KDM5A: variants seen among roughly 807,000 people sequenced by gnomAD.
KDM5A encodes the protein lysine demethylase 5A.
KDM5A carries 42 observed loss-of-function variants against 193.5 expected under a neutral mutation model. That is an observed-to-expected ratio of 0.22 (90% CI 0.17 to 0.28). The LOEUF (loss-of-function observed/expected upper bound fraction) is 0.28, where lower values mean the gene tolerates loss of function less well. Ranked by LOEUF, KDM5A falls within the 10% of genes least tolerant of loss-of-function variation. KDM5A has a pLI of 1.00. For synonymous variants in KDM5A, 796 were observed against 718.1 expected (o/e 1.11, Z -1.73); for missense variants, 1,692 against 2,055.1 (o/e 0.82, Z 3.42).
At chr12:300,083 T>C (rs897517351) in intron 24 of KDM5A, among the ~76,000 whole-genome samples, 4 of 151,908 alleles carry the variant, frequency 2.6e-5, no homozygotes, top group South Asian at 2.1e-4. Context: ...CACACAATAA[T>C]AGTGGGAGAC....
intron 25 of KDM5A, 42 bp from the exon 26 acceptor site, chr12:295,835 A>C (rs757024186): frequency 6.4e-7 from 1 of 1,565,996 alleles, no homozygotes; most frequent in African/African-American, 1.4e-5. Context: ...AAAAAATTAA[A>C]ACTATGGAAA....
At chr12:384,190 T>A in intron 2 of KDM5A, 37 bp from the exon 3 acceptor site, 1 of 1,479,222 alleles carries the variant, frequency 6.8e-7, no homozygotes, top group Non-Finnish European at 9.4e-7. Context: ...TAAGTTATGA[T>A]TGAAATGAAT....
At chr12:347,742 C>T (rs576251307) in intron 10 of KDM5A, among the ~76,000 whole-genome samples, 240 of 152,122 alleles carry the variant, frequency 1.6e-3, no homozygotes, top group Admixed American at 3.4e-3. Context: ...CCCTTCCTTA[C>T]ACCTTATACA....
chr12:371,775 T>C (rs1944430779), intron 3 of KDM5A, among the ~76,000 whole-genome samples: 1 of 152,230 alleles, frequency 6.6e-6, no homozygotes, highest in South Asian at 2.1e-4. Context: ...CAATTAATTT[T>C]TGTATAAGTT....
chr12:382,049 A>G (rs140530339), intron 3 of KDM5A, among the ~76,000 whole-genome samples: 2,643 of 152,098 alleles, frequency 0.017, 73 homozygotes, highest in African/African-American at 0.06. Context: ...AGGTTCAAGC[A>G]ATCCTTCCAC....
At position 282,998 on chromosome 12, in the gene KDM5A, A is replaced by C. The variant is rs1943174177; in HGVS notation, c.*2458T>G. ...CCAAATCCTCCATGACTGTCAAGTA[A>C]ATACAGAAAATCCCACAGTATCAAC... On this transcript the variant is annotated 3_prime_UTR_variant, in exon 28 of 28. Coordinates refer to ENST00000399788, the MANE Select transcript of KDM5A (RefSeq NM_001042603.3). The C allele has an allele frequency of 4.3e-6, 1 of 231,650 alleles. No individual in the cohort carries two copies. The highest frequency in any genetic ancestry group is 5.6e-5 in the Admixed American group (1 of 17,732). The allele number at this position is 231,650 out of a possible 1,614,324, so 14.3% of individuals were successfully genotyped here.
At chr12:317,790 A>C (rs766343580) in intron 19 of KDM5A, among the ~76,000 whole-genome samples, 1 of 152,186 alleles carries the variant, frequency 6.6e-6, no homozygotes, top group African/African-American at 2.4e-5. Flanking sequence ...GCCTGTGGGC[A>C]TTCCTGCCCA....
At chr12:329,813 C>T (rs1019112170) in intron 13 of KDM5A, among the ~76,000 whole-genome samples, 4 of 151,984 alleles carry the variant, frequency 2.6e-5, no homozygotes, top group African/African-American at 4.8e-5. Flanking sequence ...CACGTATATA[C>T]GCACTCCAAC....
At chr12:318,011 A>T in intron 19 of KDM5A, 95 bp downstream of exon 19, 2 of 959,906 alleles carry the variant, frequency 2.1e-6, no homozygotes, top group Non-Finnish European at 3.3e-6. Context: ...AAAAAAAAAA[A>T]AGTCATTTAA....
At position 334,233 on chromosome 12, in the gene KDM5A, G is replaced by A. The variant is rs767104751; in HGVS notation, c.1490+8C>T. ...GTTCATGCATGCTGTATTTTAGACT[G>A]TACATACCAGTGCAAGTAGTTGATG... On this transcript the variant is annotated splice_region_variant and intron_variant, in intron 11 of 27. Transcript: ENST00000399788. 1.2e-6 allele frequency: 2 copies of A among 1,612,176 alleles called. No individual in the cohort carries two copies. The highest frequency in any genetic ancestry group is 2.7e-5 in the African/African-American group (2 of 74,878).
chr12:343,940 C>G (rs188371153), intron 10 of KDM5A, among the ~76,000 whole-genome samples: 97 of 152,276 alleles, frequency 6.4e-4, no homozygotes, highest in African/African-American at 2.2e-3. Context: ...AAGTAGGGTT[C>G]AGAAGGTCAG....
intron 18 of KDM5A, among the ~76,000 whole-genome samples, chr12:320,449 T>C (rs903629142): frequency 2.0e-5 from 3 of 151,972 alleles, no homozygotes; most frequent in African/African-American, 7.3e-5. Context: ...TAAGCCGAGA[T>C]CTCGCCACTG....
intron 13 of KDM5A, 31 bp from the exon 14 acceptor site, chr12:329,060 C>A (rs184330452): frequency 1.2e-5 from 19 of 1,589,194 alleles, no homozygotes; most frequent in Non-Finnish European, 4.3e-6. Context: ...TTAAATAACT[C>A]GCTTATAACA....
At chr12:316,504 C>T (rs1943652389) in intron 19 of KDM5A, among the ~76,000 whole-genome samples, 1 of 152,186 alleles carries the variant, frequency 6.6e-6, no homozygotes, top group Non-Finnish European at 1.5e-5. Context: ...ATGTTGGAGA[C>T]AGAGTCATCA....
intron 10 of KDM5A, among the ~76,000 whole-genome samples, chr12:348,961 G>GAAA (rs144513171): frequency 6.9e-6 from 1 of 144,968 alleles, no homozygotes; most frequent in Non-Finnish European, 1.5e-5. Flanking sequence ...GTTATAGGGG[G>GAAA]AAAAAACACG....
chr12:329,070 A>G, intron 13 of KDM5A, 41 bp from the exon 14 acceptor site: 2 of 1,557,554 alleles, frequency 1.3e-6, no homozygotes, highest in Non-Finnish European at 1.8e-6. Flanking sequence ...CGCTTATAAC[A>G]TATCCCAGCA....
In KDM5A at chr12:292,957, T is replaced by C. The variant is rs766300687; in HGVS notation, c.4668A>G (p.Ala1556=). 1 of 1,613,494 alleles carries C rather than the reference T, an allele frequency of 6.2e-7. No individual in the cohort carries two copies. Among genetic ancestry groups the C allele is most frequent in the Non-Finnish European group, 8.5e-7 (1 of 1,179,986 alleles). Residue 1556 remains alanine (A), a synonymous_variant, in exon 27 of 28, where the codon GCA becomes GCG. Coordinates refer to ENST00000399788, the MANE Select transcript of KDM5A (RefSeq NM_001042603.3). ...TCTTTTTCTTTCTCTCTTCTTCTTT[T>C]GCTAGTTTCTTGGCCAGTTTATTCA... The part of the protein sequence containing the change: ...KELNKLAKKL[A]KEEERKKKKE...
intron 8 of KDM5A, among the ~76,000 whole-genome samples, chr12:352,791 C>A (rs1425902240): frequency 6.6e-6 from 1 of 152,196 alleles, no homozygotes; most frequent in Non-Finnish European, 1.5e-5. Context: ...TGACCAATGT[C>A]TTAACACAAA....
rs774527053 is a variant in KDM5A, at chr12:389,083, G to A, written c.9C>T (p.Gly3=). 9 of 916,688 alleles carry A rather than the reference G, an allele frequency of 9.8e-6. No individual in the cohort carries two copies. Among genetic ancestry groups the A allele is most frequent in the South Asian group, 2.6e-5 (2 of 76,996 alleles). The allele number at this position is 916,688 out of a possible 1,614,324, so 56.8% of individuals were successfully genotyped here. Residue 3 remains glycine, a synonymous_variant, in exon 1 of 28, where the codon GGC becomes GGT. Coordinates refer to ENST00000399788, the MANE Select transcript of KDM5A (RefSeq NM_001042603.3). ...CCGCCGCGTAGCCCCCCGGCCCCAC[G>A]CCCGCCATTGCAACGGCCGGGGGGG... MA[G]VGPGGYAAEF...
Sources: allele counts gnomAD v4.1 joint callset (sites outside exome capture counted in the v4.1 genomes callset), GRCh38; gene constraint gnomAD v4.1.1; transcripts MANE v1.5; gene names NCBI Gene and HGNC (gene_info 2026-07-23, HGNC 2026-07-21).